GNG2: variants seen among roughly 807,000 people sequenced by gnomAD.
GNG2 encodes the protein G protein subunit gamma 2.
Under a neutral mutation model 5.5 loss-of-function variants are expected in GNG2, and 5 were observed. That is an observed-to-expected ratio of 0.91 (90% CI 0.48 to 1.92). The LOEUF (loss-of-function observed/expected upper bound fraction) is 1.92. GNG2 is among the 30% of genes most tolerant of loss of function. The pLI, the probability that GNG2 is intolerant of heterozygous loss-of-function variation, is 0.01. For synonymous variants in GNG2, 28 were observed against 32.0 expected, an observed-to-expected ratio of 0.88 and a Z score of 0.42; for missense variants, 55 against 88.4, an observed-to-expected ratio of 0.62 and a Z score of 1.52.
intron 2 of GNG2, among the ~76,000 whole-genome samples, chr14:51,889,260 G>GT (rs962651059): frequency 2.0e-5 from 3 of 151,872 alleles, no homozygotes. Context: ...CTACAGGTGT[G>GT]TGCCACCACG....
At chr14:51,908,594 G>A (rs1253692) in intron 2 of GNG2, among the ~76,000 whole-genome samples, 75,663 of 151,442 alleles carry the variant, frequency 0.5, 18,987 homozygotes, top group East Asian at 0.68. Context: ...AGAGAAGAGA[G>A]TGTCTCGCTC....
chr14:51,827,882 G>A, intron 2 of GNG2: 1 of 618,062 alleles, frequency 1.6e-6, no homozygotes, highest in East Asian at 2.8e-5. Flanking sequence ...CTGAGGGAAT[G>A]GTGGAAAGAG....
At chr14:51,960,796 T>C (rs1889567896) in intron 3 of GNG2, among the ~76,000 whole-genome samples, 1 of 152,240 alleles carries the variant, frequency 6.6e-6, no homozygotes, top group African/African-American at 2.4e-5. Context: ...GTTAGGACTC[T>C]ACTCAATGTC....
rs766741796 is a variant in GNG2 at position 51,960,583 on chromosome 14, G to A, written c.88-5976G>A. Among the ~76,000 whole-genome samples, 31 of 123,942 alleles carry A rather than the reference G, an allele frequency of 2.5e-4. 1 individual carries two copies. Among genetic ancestry groups the A allele is most frequent in the Admixed American group, 2.4e-3 (25 of 10,248 alleles). The allele number at this position is 123,942 out of a possible 152,430, so 81.3% of individuals were successfully genotyped here. A position where few individuals can be genotyped will look rare whatever the true frequency, so the allele number is the denominator to read the frequency against. On this transcript the variant is annotated intron_variant, in intron 3 of 3. Transcript: ENST00000556766. ...ATTCTACCTTCTTGATCATGTGGAC[G>A]ATATTAACAATTGTTAAAATAACAA...
chr14:51,849,592 T>C (rs1276533730), intron 2 of GNG2, among the ~76,000 whole-genome samples: 1 of 152,192 alleles, frequency 6.6e-6, no homozygotes, highest in Admixed American at 6.5e-5. Context: ...GCTGCTCTGT[T>C]CCCCTTCACT....
intron 2 of GNG2, chr14:51,847,249 C>T (rs965512008): frequency 7.9e-5 from 12 of 152,262 alleles, no homozygotes; most frequent in African/African-American, 2.4e-4. Context: ...CGCCTTCTCC[C>T]CTCAGCACAG....
At chr14:51,942,554 A>C (rs577114255) in intron 2 of GNG2, among the ~76,000 whole-genome samples, 12 of 54,964 alleles carry the variant, frequency 2.2e-4, no homozygotes, top group Non-Finnish European at 5.5e-4. Flanking sequence ...TGATTATTAG[A>C]ATTTTATTTA....
chr14:51,950,454 A>C (rs1888906460), intron 2 of GNG2, among the ~76,000 whole-genome samples, 196 bp from the exon 3 acceptor site: 1 of 152,148 alleles, frequency 6.6e-6, no homozygotes, highest in South Asian at 2.1e-4. Flanking sequence ...ATGGGGAAGT[A>C]GGGAGAATTG....
intron 2 of GNG2, among the ~76,000 whole-genome samples, chr14:51,947,413 G>A (rs957828523): frequency 8.5e-5 from 13 of 152,204 alleles, no homozygotes; most frequent in African/African-American, 2.9e-4. Flanking sequence ...GGGGTGGGCA[G>A]AAGTCAGTCA....
At chr14:51,894,843 G>A (rs1885081047) in intron 2 of GNG2, among the ~76,000 whole-genome samples, 2 of 151,994 alleles carry the variant, frequency 1.3e-5, no homozygotes, top group Non-Finnish European at 2.9e-5. Context: ...AAATACTGTT[G>A]CTTCTGGGAA....
intron 1 of GNG2, among the ~76,000 whole-genome samples, chr14:51,875,141 C>T (rs190237199): frequency 7.2e-5 from 11 of 152,312 alleles, no homozygotes; most frequent in Admixed American, 1.3e-4. Flanking sequence ...ACAATCCGGA[C>T]GTGGATGGCC....
intron 2 of GNG2, among the ~76,000 whole-genome samples, chr14:51,885,237 A>G (rs1466572977): frequency 6.6e-6 from 1 of 152,208 alleles, no homozygotes; most frequent in Non-Finnish European, 1.5e-5. Flanking sequence ...ACTATATCTG[A>G]ACTATGTAAA....
intron 2 of GNG2, among the ~76,000 whole-genome samples, chr14:51,888,883 A>G (rs554592123): frequency 6.6e-6 from 1 of 152,292 alleles, no homozygotes; most frequent in African/African-American, 2.4e-5. Flanking sequence ...TTATTCAGCC[A>G]TGAAAAGGAA....
chr14:51,916,450 T>C (rs1886634710), intron 2 of GNG2: 1 of 453,788 alleles, frequency 2.2e-6, no homozygotes, highest in Non-Finnish European at 4.4e-6. Context: ...TATTTCGGTC[T>C]CTAGGATGCC....
chr14:51,906,055 CAGAT>C (rs1460282327), intron 2 of GNG2, among the ~76,000 whole-genome samples: 1 of 152,200 alleles, frequency 6.6e-6, no homozygotes. Context: ...AGAACTGAAA[CAGAT>C]AGCATTTTCC....
At chr14:51,876,070 T>C (rs1395397870) in intron 1 of GNG2, among the ~76,000 whole-genome samples, 3 of 151,820 alleles carry the variant, frequency 2.0e-5, no homozygotes, top group African/African-American at 7.3e-5. Context: ...TCCAAGTAGA[T>C]GGGACCACAG....
At chr14:51,830,479 G>A (rs767973288) in intron 2 of GNG2, among the ~76,000 whole-genome samples, 8 of 152,226 alleles carry the variant, frequency 5.3e-5, no homozygotes, top group Non-Finnish European at 8.8e-5. Flanking sequence ...TATTTATCAC[G>A]TCCAGAGTGG....
intron 2 of GNG2, among the ~76,000 whole-genome samples, chr14:51,926,638 G>A (rs1343463676): frequency 6.6e-6 from 1 of 152,202 alleles, no homozygotes; most frequent in African/African-American, 2.4e-5. Flanking sequence ...GGAGCCTCAG[G>A]AAGTTGGCGC....
intron 2 of GNG2, among the ~76,000 whole-genome samples, chr14:51,898,313 AG>A (rs1219686641): frequency 1.3e-5 from 2 of 152,148 alleles, no homozygotes; most frequent in Non-Finnish European, 2.9e-5. Context: ...AACAATTTTA[AG>A]GGTAGAAGTA....
Sources: allele counts gnomAD v4.1 joint callset (sites outside exome capture counted in the v4.1 genomes callset), GRCh38; gene constraint gnomAD v4.1.1; transcripts MANE v1.5; gene names NCBI Gene and HGNC (gene_info 2026-07-23, HGNC 2026-07-21).